The following RIMS1 variants were observed in gnomAD, a reference collection of about 807,000 sequenced individuals.
RIMS1 encodes regulating synaptic membrane exocytosis 1.
A neutral mutation model predicts 214.1 loss-of-function variants in RIMS1; 83 were observed. The ratio of observed to expected loss-of-function variants is 0.39; its 90% CI spans 0.32 to 0.47. The LOEUF is 0.47. Among genes scored for constraint, RIMS1 ranks in the 20% least tolerant of loss-of-function variants. The pLI, the probability that RIMS1 is intolerant of heterozygous loss-of-function variation, is 0.99. For synonymous variants in RIMS1, 793 were observed against 786.8 expected, an observed-to-expected ratio of 1.01 and a Z score of -0.13; for missense variants, 2,050 against 2,161.8, an observed-to-expected ratio of 0.95 and a Z score of 1.03.
intron 1 of RIMS1, among the ~76,000 whole-genome samples, chr6:71,913,000 A>G (rs1176042881): frequency 2.0e-5 from 3 of 152,142 alleles, no homozygotes; most frequent in African/African-American, 7.2e-5. Flanking sequence ...AAACAATTGA[A>G]TCTAATCAGG....
intron 2 of RIMS1, among the ~76,000 whole-genome samples, chr6:72,046,308 G>A (rs191003457): frequency 5.1e-4 from 77 of 152,146 alleles, no homozygotes; most frequent in African/African-American, 1.8e-3. Flanking sequence ...GTTGGGAGGG[G>A]AGTGAGATAG....
At chr6:72,121,212 G>C (rs1366733437) in intron 4 of RIMS1, among the ~76,000 whole-genome samples, 1 of 151,796 alleles carries the variant, frequency 6.6e-6, no homozygotes. Flanking sequence ...AGCTTGATGG[G>C]GATGGCATTG....
intron 1 of RIMS1, among the ~76,000 whole-genome samples, chr6:71,956,870 T>C (rs1016747916): frequency 4.6e-5 from 7 of 152,128 alleles, no homozygotes; most frequent in Non-Finnish European, 1.0e-4. Flanking sequence ...CCAGGAGAGC[T>C]AATAATGTGA....
chr6:72,248,634 A>G (rs1386447779), intron 12 of RIMS1, among the ~76,000 whole-genome samples: 2 of 152,194 alleles, frequency 1.3e-5, no homozygotes, highest in Non-Finnish European at 2.9e-5. Context: ...ACCTGGAGTG[A>G]AGAAACTAGG....
intron 4 of RIMS1, among the ~76,000 whole-genome samples, chr6:72,128,657 C>T (rs2039981825): frequency 6.6e-6 from 1 of 152,070 alleles, no homozygotes. Context: ...ATAAGAAGTC[C>T]CTGAGACAAA....
intron 26 of RIMS1, among the ~76,000 whole-genome samples, chr6:72,297,788 C>G (rs2094239251): frequency 6.6e-6 from 1 of 151,988 alleles, no homozygotes; most frequent in Admixed American, 6.6e-5. Context: ...GAACGTGGCT[C>G]TCAAAACTTT....
At chr6:72,282,030 T>G (rs995499020) in intron 23 of RIMS1, among the ~76,000 whole-genome samples, 1 of 151,918 alleles carries the variant, frequency 6.6e-6, no homozygotes, top group African/African-American at 2.4e-5. Flanking sequence ...CACAAGTGTT[T>G]GTTGGATGAA....
intron 2 of RIMS1, among the ~76,000 whole-genome samples, chr6:71,982,022 T>G (rs930736907): frequency 2.6e-5 from 4 of 152,084 alleles, no homozygotes; most frequent in African/African-American, 9.7e-5. Context: ...ATGGATTATA[T>G]TATCTCCCTT....
intron 3 of RIMS1, among the ~76,000 whole-genome samples, chr6:72,097,624 G>A (rs1291391156): frequency 1.3e-5 from 2 of 152,138 alleles, no homozygotes; most frequent in Admixed American, 1.3e-4. Context: ...AGTAAATTCA[G>A]ATTTACTGAT....
intron 32 of RIMS1, 45 bp from the exon 33 acceptor site, chr6:72,398,910 G>C: frequency 8.1e-7 from 1 of 1,232,452 alleles, no homozygotes; most frequent in Non-Finnish European, 1.1e-6. Flanking sequence ...AAAAATAGTT[G>C]AATTTAAGGA....
intron 1 of RIMS1, among the ~76,000 whole-genome samples, chr6:71,950,774 T>C (rs1456284319): frequency 6.6e-6 from 1 of 152,208 alleles, no homozygotes; most frequent in African/African-American, 2.4e-5. Context: ...CCTTTACAGC[T>C]AGTTTTTAAG....
chr6:72,313,678 T>C lies in RIMS1; in HGVS notation c.4130+6T>C, dbSNP rs771107216. ...CGCCCCAGGGGTAGAATCAGGTGAG[T>C]TGGCAATACTGTTTATATAAACTGG... On this transcript the variant is annotated splice_donor_region_variant and intron_variant, in intron 28 of 33. Coordinates refer to ENST00000521978, the MANE Select transcript of RIMS1 (RefSeq NM_014989.7). 4 of 1,608,078 alleles carry C rather than the reference T, an allele frequency of 2.5e-6. No individual in the cohort carries two copies. Among genetic ancestry groups the C allele is most frequent in the Non-Finnish European group, 2.5e-6 (3 of 1,176,892 alleles).
At chr6:72,004,753 G>A (rs896233313) in intron 2 of RIMS1, among the ~76,000 whole-genome samples, 1 of 151,736 alleles carries the variant, frequency 6.6e-6, no homozygotes, top group African/African-American at 2.4e-5. Flanking sequence ...TGAGTTCTTT[G>A]TAGATTCTGG....
chr6:71,895,071 G>T (rs964279199), intron 1 of RIMS1, among the ~76,000 whole-genome samples: 1 of 152,098 alleles, frequency 6.6e-6, no homozygotes, highest in African/African-American at 2.4e-5. Context: ...TCATATAAAA[G>T]TCTTACACTA....
At chr6:72,363,538 G>A (rs1450182918) in intron 29 of RIMS1, among the ~76,000 whole-genome samples, 2 of 152,104 alleles carry the variant, frequency 1.3e-5, no homozygotes, top group South Asian at 2.1e-4. Flanking sequence ...AGAAATATTT[G>A]GAGTTGAAAT....
intron 6 of RIMS1, among the ~76,000 whole-genome samples, chr6:72,230,498 A>G (rs1314487430): frequency 1.3e-5 from 2 of 151,672 alleles, no homozygotes; most frequent in African/African-American, 4.8e-5. Context: ...TTTAACATAC[A>G]CATGCTCAAT....
At chr6:72,024,831 A>G (rs1753574) in intron 2 of RIMS1, among the ~76,000 whole-genome samples, 1 of 151,680 alleles carries the variant, frequency 6.6e-6, no homozygotes, top group Non-Finnish European at 1.5e-5. Context: ...GTCCAATGTC[A>G]CATAAATAAT....
chr6:72,293,412 C>A (rs549729734), intron 26 of RIMS1, among the ~76,000 whole-genome samples: 2 of 151,790 alleles, frequency 1.3e-5, no homozygotes, highest in Admixed American at 6.6e-5. Flanking sequence ...CTGGCAATAA[C>A]CCAGATGAAA....
chr6:72,309,121 G>A (rs542176937), intron 27 of RIMS1, among the ~76,000 whole-genome samples: 1 of 152,214 alleles, frequency 6.6e-6, no homozygotes, highest in Non-Finnish European at 1.5e-5. Flanking sequence ...AAACAAGAAA[G>A]AGGCGAGTAA....
Sources: gnomAD v4.1 joint callset for allele counts (sites outside exome capture counted in the v4.1 genomes callset) on GRCh38, gnomAD v4.1.1 for gene constraint, MANE v1.5 for transcripts, NCBI Gene and HGNC (gene_info 2026-07-23, HGNC 2026-07-21) for gene names.